ILRUN: variants seen among roughly 807,000 people sequenced by gnomAD.
ILRUN encodes protein ILRUN.
Under a neutral mutation model 33.8 loss-of-function variants are expected in ILRUN, and 3 were observed. The observed-to-expected ratio is 0.09, with a 90% confidence interval of 0.04 to 0.23. The LOEUF is 0.23. Among genes scored for constraint, ILRUN ranks in the 10% least tolerant of loss-of-function variants. ILRUN has a pLI of 1.00. For missense variants in ILRUN, 210 were observed against 375.1 expected, an observed-to-expected ratio of 0.56 and a Z score of 3.64; for synonymous variants, 124 against 138.9, an observed-to-expected ratio of 0.89 and a Z score of 0.75.
At chr6:34,593,943 T>C (rs547106713) in intron 4 of ILRUN, among the ~76,000 whole-genome samples, 1 of 152,068 alleles carries the variant, frequency 6.6e-6, no homozygotes, top group Non-Finnish European at 1.5e-5. Context: ...AGGAAGACCA[T>C]CGCGGTACCT....
At chr6:34,676,481 T>A (rs1763237778) in intron 1 of ILRUN, among the ~76,000 whole-genome samples, 1 of 149,834 alleles carries the variant, frequency 6.7e-6, no homozygotes, top group Non-Finnish European at 1.5e-5. Context: ...GCTAGCTAGA[T>A]AGGTAGATAT....
chr6:34,665,195 C>T (rs1762968911), intron 1 of ILRUN, among the ~76,000 whole-genome samples: 1 of 149,778 alleles, frequency 6.7e-6, no homozygotes, highest in African/African-American at 2.5e-5. Context: ...TAGCTCACCG[C>T]CTATAATCCC....
rs71538256 is a variant in ILRUN, at chr6:34,693,672, AT to A, written c.158+2773del. Reference sequence around the variant, plus strand: ...TCAAATAGAAGTTTTATTTTATTTTATTTTTTTTTTTTGAGACGGAGTCTCG... The same window carrying A: ...TCAAATAGAAGTTTTATTTTATTTTATTTTTTTTTTTGAGACGGAGTCTCG... On this transcript the variant is annotated intron_variant, in intron 1 of 4. Coordinates refer to ENST00000374023, the MANE Select transcript of ILRUN (RefSeq NM_024294.4). Among the ~76,000 whole-genome samples the A allele has an allele frequency of 4.7e-4, 68 of 145,102 alleles. 1 individual carries two copies. The highest frequency in any genetic ancestry group is 1.5e-3 in the African/African-American group (55 of 37,750).
intron 4 of ILRUN, among the ~76,000 whole-genome samples, chr6:34,597,415 A>G (rs573006189): frequency 1.3e-5 from 2 of 152,306 alleles, no homozygotes; most frequent in South Asian, 4.1e-4. Context: ...GAGGACAACA[A>G]CATGAGAGAA....
chr6:34,638,599 G>A (rs111897212), intron 3 of ILRUN, among the ~76,000 whole-genome samples: 3,556 of 152,170 alleles, frequency 0.023, 104 homozygotes, highest in African/African-American at 0.064. Context: ...CAGCTACTTG[G>A]GAGGCTGAGT....
chr6:34,635,122 G>A (rs1235188712), intron 3 of ILRUN, among the ~76,000 whole-genome samples: 2 of 152,038 alleles, frequency 1.3e-5, no homozygotes, highest in East Asian at 1.9e-4. Context: ...AAATATATAA[G>A]AGAAATCATG....
intron 1 of ILRUN, among the ~76,000 whole-genome samples, chr6:34,682,251 GTTTTTTTTTTTT>G (rs66948142): frequency 7.8e-5 from 4 of 51,072 alleles, no homozygotes; most frequent in South Asian, 1.3e-3. Flanking sequence ...TGCAACCTCT[GTTTTTTTTTTTT>G]TTTTTTTTTT....
At chr6:34,617,037 T>C (rs768998889) in intron 3 of ILRUN, 54 of 530,440 alleles carry the variant, frequency 1.0e-4, no homozygotes, top group Admixed American at 2.8e-4. Flanking sequence ...AACACTTTGA[T>C]TGCTCGACCT....
At chr6:34,678,779 C>T (rs1251353599) in intron 1 of ILRUN, among the ~76,000 whole-genome samples, 2 of 135,736 alleles carry the variant, frequency 1.5e-5, no homozygotes, top group Non-Finnish European at 1.5e-5. Context: ...GGCGAGAACC[C>T]GGGAGGCAGA....
At chr6:34,623,938 T>C (rs1263269809) in intron 3 of ILRUN, among the ~76,000 whole-genome samples, 1 of 152,112 alleles carries the variant, frequency 6.6e-6, no homozygotes, top group East Asian at 1.9e-4. Flanking sequence ...TTCAAGCGAT[T>C]CTCGTGCCTC....
At chr6:34,665,306 A>AG in intron 1 of ILRUN, among the ~76,000 whole-genome samples, 1 of 151,502 alleles carries the variant, frequency 6.6e-6, no homozygotes, top group East Asian at 1.9e-4. Context: ...AAAAAAAAAA[A>AG]AAAAAAAATT....
At chr6:34,632,695 T>G (rs1386730186) in intron 3 of ILRUN, among the ~76,000 whole-genome samples, 1 of 151,578 alleles carries the variant, frequency 6.6e-6, no homozygotes, top group Middle Eastern at 3.4e-3. Flanking sequence ...TTTTTTTTTT[T>G]TGTATTTTTA....
intron 3 of ILRUN, among the ~76,000 whole-genome samples, chr6:34,638,642 C>G (rs966048751): frequency 1.3e-5 from 2 of 151,796 alleles, no homozygotes; most frequent in Non-Finnish European, 1.5e-5. Flanking sequence ...GAGGTTGAGG[C>G]TGTAGTGAGC....
intron 3 of ILRUN, among the ~76,000 whole-genome samples, chr6:34,636,023 G>A (rs1027569500): frequency 1.4e-4 from 21 of 152,124 alleles, no homozygotes; most frequent in South Asian, 1.2e-3. Flanking sequence ...TTCGGGAGGC[G>A]AAGAGGAAGA....
chr6:34,605,799 G>A (rs894436786), intron 4 of ILRUN, among the ~76,000 whole-genome samples: 1 of 152,146 alleles, frequency 6.6e-6, no homozygotes, highest in African/African-American at 2.4e-5. Flanking sequence ...GGTAATATGG[G>A]TAGGATGCTA....
At chr6:34,648,045 T>A (rs73411971) in intron 2 of ILRUN, among the ~76,000 whole-genome samples, 4,695 of 152,278 alleles carry the variant, frequency 0.031, 195 homozygotes, top group African/African-American at 0.09. Flanking sequence ...ATTCATGAGA[T>A]ATCTATGTGT....
chr6:34,672,330 A>G (rs1200291415), intron 1 of ILRUN, among the ~76,000 whole-genome samples: 1 of 152,026 alleles, frequency 6.6e-6, no homozygotes, highest in African/African-American at 2.4e-5. Context: ...CCTGACCTCA[A>G]GTGATCCACT....
chr6:34,646,979 C>T lies in ILRUN; in HGVS notation c.314-181G>A, dbSNP rs1762574047. Among the ~76,000 whole-genome samples the T allele has an allele frequency of 6.6e-6, 1 of 152,198 alleles. No individual in the cohort carries two copies. Among genetic ancestry groups the T allele is most frequent in the South Asian group, 2.1e-4 (1 of 4,832 alleles). On this transcript the variant is annotated intron_variant, in intron 2 of 4. Coordinates refer to ENST00000374023, the MANE Select transcript of ILRUN (RefSeq NM_024294.4). The surrounding 1 kb of genome is among the most constrained non-coding windows in gnomAD (Gnocchi z 4.9). The stretch of plus-strand genomic sequence containing the variant: ...GATCAAAAGGAATTATCAGAACCAA[C>T]AACCTCTGACCAATAGTCTAACCCT...
rs1333484970 is a variant in ILRUN, at chr6:34,646,606, T to C, written c.506A>G (p.Tyr169Cys). ...CTGCACAAGGACATACTCACCTCCA[T>C]AGTAGAGTCCTGTAGCAGTGCACAT... ...WRMCTATGLY[Y>C]GDVIWVILSV... The change falls in exon 3 of 5, where the codon TAT (tyrosine) becomes TGT (cysteine). Residue 169 changes from tyrosine to cysteine, a missense_variant. Around this residue, in one of 4 missense-constraint regions of ILRUN, gnomAD observed 60 missense variants for 138.1 expected, o/e 0.43. Transcript: ENST00000374023. This position sits in a 1 kb window ranked among gnomAD's most constrained non-coding sequence, Gnocchi z 4.9. The C allele has an allele frequency of 1.9e-6, 3 of 1,613,896 alleles. No individual in the cohort carries two copies. The highest frequency in any genetic ancestry group is 1.1e-5 in the South Asian group (1 of 91,086).
Sources: gnomAD v4.1 joint callset for allele counts (sites outside exome capture counted in the v4.1 genomes callset) on GRCh38, gnomAD v4.1.1 for gene constraint, gnomAD v4.1.1 regional missense constraint, Gnocchi (gnomAD v3.1) non-coding constraint, MANE v1.5 for transcripts, NCBI Gene and HGNC (gene_info 2026-07-23, HGNC 2026-07-21) for gene names.